The following DOCK3 variants were observed in gnomAD, a reference collection of about 807,000 sequenced individuals.
DOCK3 encodes the protein dedicator of cytokinesis 3.
A neutral mutation model predicts 265.6 loss-of-function variants in DOCK3; 60 were observed. That is an observed-to-expected ratio of 0.23 (90% CI 0.18 to 0.28). DOCK3 has a LOEUF of 0.28. Among genes scored for constraint, DOCK3 ranks in the 10% least tolerant of loss-of-function variants. DOCK3 has a pLI of 1.00. For synonymous variants in DOCK3, 881 were observed against 938.0 expected (o/e 0.94, Z 1.11); for missense variants, 1,981 against 2,594.3 (o/e 0.76, Z 5.14).
At chr3:51,024,521 G>A (rs2079731413) in intron 5 of DOCK3, among the ~76,000 whole-genome samples, 1 of 152,180 alleles carries the variant, frequency 6.6e-6, no homozygotes, top group Non-Finnish European at 1.5e-5. Context: ...TTATCAGGGT[G>A]AAGGGTGAGA....
intron 49 of DOCK3, 130 bp downstream of exon 49, chr3:51,362,804 A>G: frequency 7.5e-7 from 1 of 1,337,330 alleles, no homozygotes. Flanking sequence ...TTGTGCTTTT[A>G]CCACTAAGGA....
chr3:50,883,677 C>T (rs1166231785), intron 3 of DOCK3, among the ~76,000 whole-genome samples: 1 of 152,014 alleles, frequency 6.6e-6, no homozygotes, highest in Non-Finnish European at 1.5e-5. Flanking sequence ...TTCCTTCTGT[C>T]TTCTATATTT....
chr3:51,378,279 G>A (rs1302752186), intron 51 of DOCK3, among the ~76,000 whole-genome samples: 3 of 152,170 alleles, frequency 2.0e-5, no homozygotes, highest in Admixed American at 6.5e-5. Context: ...TTTACCCTGC[G>A]TTCTGCTGCA....
At chr3:50,737,483 T>G (rs1294217814) in intron 1 of DOCK3, among the ~76,000 whole-genome samples, 2 of 152,200 alleles carry the variant, frequency 1.3e-5, no homozygotes, top group Non-Finnish European at 2.9e-5. Context: ...CCTCCAACAT[T>G]GGGGATATAA....
chr3:50,905,571 A>T (rs1175127116), intron 4 of DOCK3, among the ~76,000 whole-genome samples: 1 of 151,924 alleles, frequency 6.6e-6, no homozygotes, highest in African/African-American at 2.4e-5. Context: ...TTTGTCTGTT[A>T]TTGGTGTAGA....
chr3:50,921,672 T>C (rs2050477958), intron 4 of DOCK3, among the ~76,000 whole-genome samples: 1 of 152,100 alleles, frequency 6.6e-6, no homozygotes, highest in Admixed American at 6.5e-5. Context: ...TCTGGTTTCT[T>C]CCCATCTTGG....
chr3:51,076,817 A>G (rs2082072524), intron 7 of DOCK3, among the ~76,000 whole-genome samples: 1 of 152,202 alleles, frequency 6.6e-6, no homozygotes, highest in Non-Finnish European at 1.5e-5. Context: ...AGACATTCCA[A>G]AAAGGCACAC....
intron 12 of DOCK3, among the ~76,000 whole-genome samples, chr3:51,204,729 C>T (rs1398984039): frequency 1.6e-4 from 24 of 150,536 alleles, no homozygotes; most frequent in African/African-American, 3.2e-4. Flanking sequence ...ATGTTTATTG[C>T]GGCACTATTC....
chr3:51,003,147 C>T (rs981036283), intron 5 of DOCK3, among the ~76,000 whole-genome samples: 2 of 152,130 alleles, frequency 1.3e-5, no homozygotes, highest in African/African-American at 4.8e-5. Context: ...TTGCATTTTC[C>T]TATTGATTCA....
chr3:50,813,457 A>G (rs879937592), intron 2 of DOCK3, among the ~76,000 whole-genome samples: 9 of 152,234 alleles, frequency 5.9e-5, no homozygotes, highest in East Asian at 3.9e-4. Flanking sequence ...TGAACCCAGA[A>G]GTTTGAGGGT....
At chr3:51,059,794 AG>A (rs2081346393) in intron 5 of DOCK3, among the ~76,000 whole-genome samples, 1 of 152,136 alleles carries the variant, frequency 6.6e-6, no homozygotes, top group Non-Finnish European at 1.5e-5. Flanking sequence ...AAGAATAGGT[AG>A]GTAACACAGA....
intron 3 of DOCK3, among the ~76,000 whole-genome samples, chr3:50,850,809 A>G (rs767896836): frequency 6.6e-6 from 1 of 152,196 alleles, no homozygotes; most frequent in Admixed American, 6.5e-5. Context: ...ATTCAGCTGT[A>G]CAGTTCAACC....
chr3:50,727,099 A>G (rs868224239), intron 1 of DOCK3, among the ~76,000 whole-genome samples: 2 of 152,238 alleles, frequency 1.3e-5, no homozygotes, highest in African/African-American at 2.4e-5. Flanking sequence ...GTTAGAACCA[A>G]TAGAAAACAA....
chr3:51,266,489 G>A (rs149571114), intron 23 of DOCK3, among the ~76,000 whole-genome samples: 5 of 151,980 alleles, frequency 3.3e-5, no homozygotes, highest in Admixed American at 6.6e-5. Context: ...ATATATAGAC[G>A]AATGGAACAG....
chr3:51,365,191 A>G (rs2087048912), intron 49 of DOCK3, among the ~76,000 whole-genome samples: 1 of 152,178 alleles, frequency 6.6e-6, no homozygotes, highest in Non-Finnish European at 1.5e-5. Context: ...CTTCTTGAAG[A>G]GGTCCTTCAC....
chr3:50,965,782 T>A (rs4132022), intron 5 of DOCK3, among the ~76,000 whole-genome samples: 14,469 of 152,218 alleles, frequency 0.095, 858 homozygotes, highest in Non-Finnish European at 0.12. Flanking sequence ...AAACATTTTT[T>A]AATTAAACAT....
intron 3 of DOCK3, among the ~76,000 whole-genome samples, chr3:50,869,932 AC>A (rs2047356749): frequency 6.6e-6 from 1 of 152,132 alleles, no homozygotes; most frequent in African/African-American, 2.4e-5. Context: ...TATAGTTTCA[AC>A]AAGTCTTTTT....
chr3:51,082,827 A>G lies in DOCK3; in HGVS notation c.550-6416A>G, dbSNP rs1383677324. On this transcript the variant is annotated intron_variant, in intron 7 of 52. Coordinates refer to ENST00000266037, the MANE Select transcript of DOCK3 (RefSeq NM_004947.5). Reference sequence around the variant, plus strand: ...GGGCCAGAGGACAGACCTATAGGATAGGTCTGTGGGTAGGCCCACAGCTGT... The same window carrying G: ...GGGCCAGAGGACAGACCTATAGGATGGGTCTGTGGGTAGGCCCACAGCTGT... Among the ~76,000 whole-genome samples the G allele has an allele frequency of 4.6e-5, 7 of 151,984 alleles. No homozygotes were observed. In the East Asian group the frequency reaches 1.4e-3, roughly 29 times the overall value.
At position 51,374,434 on chromosome 3, in the gene DOCK3, G is replaced by A. The variant is rs749280193; in HGVS notation, c.5294-35G>A. ...CTGCTGGACCCTCCATCTGTGGCTT[G>A]TCATCTGTGCTTGATTGTTCTCACT... On this transcript the variant is annotated intron_variant, in intron 49 of 52. Coordinates refer to ENST00000266037, the MANE Select transcript of DOCK3 (RefSeq NM_004947.5). The surrounding 1 kb of genome is among the most constrained non-coding windows in gnomAD (Gnocchi z 4.8). The A allele has an allele frequency of 1.9e-6, 3 of 1,586,718 alleles. No homozygotes were observed. Among genetic ancestry groups the A allele is most frequent in the Admixed American group, 3.5e-5 (2 of 56,830 alleles).
Sources: gnomAD v4.1 joint callset for allele counts (sites outside exome capture counted in the v4.1 genomes callset) on GRCh38, gnomAD v4.1.1 for gene constraint, Gnocchi (gnomAD v3.1) non-coding constraint, MANE v1.5 for transcripts, NCBI Gene and HGNC (gene_info 2026-07-23, HGNC 2026-07-21) for gene names.